Variants in ASIC2 observed in about 807,000 individuals in gnomAD.
ASIC2 encodes the protein acid-sensing ion channel 2.
ASIC2 carries 25 observed loss-of-function variants against 57.3 expected under a neutral mutation model. The observed-to-expected ratio is 0.44, with a 90% confidence interval of 0.32 to 0.61. The LOEUF (loss-of-function observed/expected upper bound fraction) is 0.61, where lower values mean the gene tolerates loss of function less well. ASIC2 is among the 20% of genes least tolerant of loss of function. The pLI is 0.06. For synonymous variants in ASIC2, 319 were observed against 307.5 expected (o/e 1.04, Z -0.39); for missense variants, 641 against 738.1 (o/e 0.87, Z 1.52).
chr17:33,661,567 A>G (rs1248389836), intron 1 of ASIC2, among the ~76,000 whole-genome samples: 46 of 152,202 alleles, frequency 3.0e-4, no homozygotes, highest in Admixed American at 3.0e-3. Flanking sequence ...TTCCTAGCCA[A>G]GTGTCCTTCC....
At chr17:33,146,321 C>T (rs1395504193) in intron 1 of ASIC2, among the ~76,000 whole-genome samples, 2 of 152,178 alleles carry the variant, frequency 1.3e-5, no homozygotes, top group Non-Finnish European at 1.5e-5. Context: ...GTCTTCACAG[C>T]AACTTACCTG....
chr17:33,482,271 T>C (rs1913431175), intron 1 of ASIC2, among the ~76,000 whole-genome samples: 1 of 152,260 alleles, frequency 6.6e-6, no homozygotes. Flanking sequence ...TCTGGTCTAC[T>C]GCAGGATGCA....
At chr17:33,620,156 C>A (rs1905739283) in intron 1 of ASIC2, among the ~76,000 whole-genome samples, 2 of 137,366 alleles carry the variant, frequency 1.5e-5, no homozygotes, top group South Asian at 2.4e-4. Context: ...AGTGCAGTAT[C>A]TTTAATTATT....
chr17:33,102,766 A>G (rs889743781), intron 2 of ASIC2, among the ~76,000 whole-genome samples: 6 of 151,808 alleles, frequency 4.0e-5, no homozygotes, highest in South Asian at 2.1e-4. Context: ...TTTTAAATTT[A>G]TTTGTTTGTT....
At chr17:33,387,335 C>A (rs548745824) in intron 1 of ASIC2, among the ~76,000 whole-genome samples, 1 of 152,210 alleles carries the variant, frequency 6.6e-6, no homozygotes, top group Non-Finnish European at 1.5e-5. Context: ...CCAGTCCTTG[C>A]GGAACAAGCC....
intron 1 of ASIC2, among the ~76,000 whole-genome samples, chr17:34,023,553 G>A (rs559245871): frequency 6.6e-6 from 1 of 152,226 alleles, no homozygotes; most frequent in Non-Finnish European, 1.5e-5. Flanking sequence ...CTTTGTCCAT[G>A]AGAGCCCCTC....
intron 1 of ASIC2, among the ~76,000 whole-genome samples, chr17:33,890,975 C>T (rs1224562843): frequency 2.0e-5 from 3 of 152,180 alleles, no homozygotes; most frequent in South Asian, 4.1e-4. Context: ...CAGGCATCTT[C>T]AGGTATAGCA....
intron 1 of ASIC2, among the ~76,000 whole-genome samples, chr17:34,029,600 A>G (rs1181040814): frequency 1.3e-5 from 2 of 152,178 alleles, no homozygotes; most frequent in Non-Finnish European, 2.9e-5. Flanking sequence ...ATTGAGGTTA[A>G]ATGAGGTCAT....
chr17:33,043,067 C>T (rs540424802), intron 3 of ASIC2, among the ~76,000 whole-genome samples: 3 of 152,186 alleles, frequency 2.0e-5, no homozygotes, highest in Non-Finnish European at 4.4e-5. Flanking sequence ...GCTGGGACTA[C>T]AGGCGCCTGC....
intron 6 of ASIC2, among the ~76,000 whole-genome samples, chr17:33,023,397 G>A (rs1408066263): frequency 6.6e-6 from 1 of 151,888 alleles, no homozygotes; most frequent in Non-Finnish European, 1.5e-5. Flanking sequence ...AGCTGAGGCA[G>A]GAGAATGGTT....
intron 1 of ASIC2, among the ~76,000 whole-genome samples, chr17:33,912,137 C>CAAAA (rs34408257): frequency 1.0e-4 from 5 of 49,428 alleles, no homozygotes; most frequent in Admixed American, 2.8e-4. Context: ...GAGACTCCGT[C>CAAAA]AAAAAAAAAA....
At chr17:33,251,158 C>A (rs1301311768) in intron 1 of ASIC2, among the ~76,000 whole-genome samples, 6 of 152,172 alleles carry the variant, frequency 3.9e-5, no homozygotes. Flanking sequence ...AGTTCTCTCA[C>A]AGCTCAGAAA....
chr17:33,895,311 C>T (rs574812019), intron 1 of ASIC2, among the ~76,000 whole-genome samples: 1 of 152,170 alleles, frequency 6.6e-6, no homozygotes, highest in South Asian at 2.1e-4. Context: ...TACAGACATG[C>T]ACCACCACAC....
intron 1 of ASIC2, among the ~76,000 whole-genome samples, chr17:33,732,736 C>T (rs1909786540): frequency 6.6e-6 from 1 of 152,058 alleles, no homozygotes; most frequent in South Asian, 2.1e-4. Flanking sequence ...CTCCTGGGTT[C>T]AAGTGATTCT....
intron 1 of ASIC2, among the ~76,000 whole-genome samples, chr17:33,689,836 G>A (rs1908312190): frequency 6.6e-6 from 1 of 152,186 alleles, no homozygotes; most frequent in Non-Finnish European, 1.5e-5. Flanking sequence ...TGATAGAATT[G>A]GAGTGAGGTG....
chr17:34,053,516 T>C (rs1908645506), intron 1 of ASIC2, among the ~76,000 whole-genome samples: 1 of 152,242 alleles, frequency 6.6e-6, no homozygotes, highest in Non-Finnish European at 1.5e-5. Context: ...GTATTAAAGA[T>C]ATTAATAATA....
intron 1 of ASIC2, among the ~76,000 whole-genome samples, chr17:33,787,882 C>G (rs943478639): frequency 6.6e-6 from 1 of 152,136 alleles, no homozygotes; most frequent in Non-Finnish European, 1.5e-5. Context: ...GGACCAAACC[C>G]TTGATGCTAT....
At chr17:33,367,549 C>A (rs1908860942) in intron 1 of ASIC2, among the ~76,000 whole-genome samples, 1 of 152,224 alleles carries the variant, frequency 6.6e-6, no homozygotes, top group Admixed American at 6.5e-5. Context: ...GTCTGCCTCC[C>A]CATGGGGGCT....
At chr17:33,763,418 C>T (rs889272686) in intron 1 of ASIC2, among the ~76,000 whole-genome samples, 1 of 152,184 alleles carries the variant, frequency 6.6e-6, no homozygotes, top group Non-Finnish European at 1.5e-5. Flanking sequence ...TCTTTCAGCC[C>T]TTCCTCACTA....
Sources: gnomAD v4.1 joint callset for allele counts (sites outside exome capture counted in the v4.1 genomes callset) on GRCh38, gnomAD v4.1.1 for gene constraint, MANE v1.5 for transcripts, NCBI Gene and HGNC (gene_info 2026-07-23, HGNC 2026-07-21) for gene names.